ZFR: variants seen among roughly 807,000 people sequenced by gnomAD.
ZFR encodes zinc finger RNA binding protein, also known as zinc finger RNA-binding protein.
In ZFR, 19 loss-of-function variants were observed where a neutral mutation model predicts 130.7. The observed-to-expected ratio is 0.15, with a 90% CI of 0.10 to 0.21. The LOEUF (loss-of-function observed/expected upper bound fraction) is 0.21, where lower values mean the gene tolerates loss of function less well. Among genes scored for constraint, ZFR ranks in the 10% least tolerant of loss-of-function variants. The pLI, the probability that ZFR is intolerant of heterozygous loss-of-function variation, is 1.00. For missense variants in ZFR, 872 were observed against 1,321.5 expected, an observed-to-expected ratio of 0.66 and a Z score of 5.27; for synonymous variants, 466 against 456.9, an observed-to-expected ratio of 1.02 and a Z score of -0.25.
At chr5:32,421,892 G>A (rs1344671061) in intron 2 of ZFR, among the ~76,000 whole-genome samples, 1 of 151,878 alleles carries the variant, frequency 6.6e-6, no homozygotes, top group African/African-American at 2.4e-5. Context: ...ACATTTTCTA[G>A]GAACAACTCC....
intron 11 of ZFR, among the ~76,000 whole-genome samples, chr5:32,392,063 G>A (rs1753193366): frequency 6.6e-6 from 1 of 152,072 alleles, no homozygotes; most frequent in Non-Finnish European, 1.5e-5. Context: ...AACCAACTAG[G>A]GACTGATAGA....
rs199717129 is a variant in ZFR at position 32,359,598 on chromosome 5, C to CA, written c.3046-3660dup. Among the ~76,000 whole-genome samples the CA allele has an allele frequency of 7.9e-3, 1,207 of 152,084 alleles. 16 individuals carry two copies. Among genetic ancestry groups the CA allele is most frequent in the African/African-American group, 0.027 (1,140 of 41,516 alleles). ...GCCAAAAGATTCCTTCCTTAGAACA[C>CA]AAAAAAATGTGCATCAGTATAGAAA... On this transcript the variant is annotated intron_variant, in intron 19 of 19. Coordinates refer to ENST00000265069, the MANE Select transcript of ZFR (RefSeq NM_016107.5).
At chr5:32,374,550 A>C (rs977648031) in intron 17 of ZFR, among the ~76,000 whole-genome samples, 2 of 152,044 alleles carry the variant, frequency 1.3e-5, no homozygotes, top group African/African-American at 4.8e-5. Flanking sequence ...ATTTGAAGCT[A>C]TACAATGCCT....
intron 2 of ZFR, among the ~76,000 whole-genome samples, chr5:32,431,181 T>C (rs1181407950): frequency 6.6e-6 from 1 of 152,208 alleles, no homozygotes; most frequent in East Asian, 1.9e-4. Flanking sequence ...TGAATGAATG[T>C]TGAGCAAAAA....
intron 7 of ZFR, 120 bp from the exon 8 acceptor site, chr5:32,403,517 T>C (rs1561895754): frequency 8.0e-7 from 1 of 1,244,054 alleles, no homozygotes; most frequent in South Asian, 1.5e-5. Flanking sequence ...TTTTCTGCTA[T>C]ATGTTTTTGT....
Position 32,364,007 on chromosome 5 carries a change from A to T in ZFR, c.2986T>A (p.Phe996Ile). ...TCAGTCATTGTTGCCAAGGTATCAA[A>T]GGGATCCTTTTCACAAGGATCCAGA... ...GLLDPCEKDP[F>I]DTLATMTDQQ... The change falls in exon 19 of 20, where the codon TTT (phenylalanine) becomes ATT (isoleucine). Residue 996 changes from phenylalanine to isoleucine, a missense_variant. By Grantham distance (21) the Phe-to-Ile change is conservative. Around this residue, in one of 7 missense-constraint regions of ZFR, gnomAD observed 158 missense variants for 264.0 expected, o/e 0.60. Coordinates refer to ENST00000265069, the MANE Select transcript of ZFR (RefSeq NM_016107.5). 6.2e-7 allele frequency: 1 copy of T among 1,614,150 alleles called. No individual in the cohort carries two copies. Among genetic ancestry groups the T allele is most frequent in the Non-Finnish European group, 8.5e-7 (1 of 1,180,002 alleles).
intron 8 of ZFR, among the ~76,000 whole-genome samples, chr5:32,402,615 A>AG (rs900221031): frequency 6.0e-5 from 9 of 149,318 alleles, no homozygotes; most frequent in African/African-American, 2.2e-4. Flanking sequence ...AAAAAAAAGA[A>AG]AAAAAAAAAA....
At chr5:32,418,030 C>G (rs112251123) in intron 3 of ZFR, among the ~76,000 whole-genome samples, 2 of 152,126 alleles carry the variant, frequency 1.3e-5, no homozygotes, top group African/African-American at 4.8e-5. Context: ...GGAGGCCAAG[C>G]CGGGCGGATC....
intron 15 of ZFR, among the ~76,000 whole-genome samples, chr5:32,381,651 T>G (rs1014510790): frequency 6.6e-6 from 1 of 152,180 alleles, no homozygotes; most frequent in African/African-American, 2.4e-5. Flanking sequence ...CTTGTTCTTA[T>G]TTTGAGTAGA....
chr5:32,412,764 T>C (rs150008467), intron 5 of ZFR, among the ~76,000 whole-genome samples: 2 of 152,322 alleles, frequency 1.3e-5, no homozygotes, highest in East Asian at 3.9e-4. Context: ...GCTGAGCCAT[T>C]TGAAAATAGC....
Position 32,387,601 on chromosome 5 carries a change from G to A in ZFR, c.2447C>T (p.Pro816Leu). Reference protein sequence around the residue: ...VNLVLLCSEKPSKTLLSRIAE... With the variant: ...VNLVLLCSEKLSKTLLSRIAE... ...AATACGGCTTAATAATGTCTTTGAA[G>A]GTTTCTCTGAGCACAGCAAAACAAG... The change falls in exon 14 of 20, where the codon CCT becomes CTT. Residue 816 changes from proline to leucine, a missense_variant. Coordinates refer to ENST00000265069, the MANE Select transcript of ZFR (RefSeq NM_016107.5). The A allele has an allele frequency of 1.9e-6, 3 of 1,613,508 alleles. No individual in the cohort carries two copies. The highest frequency in any genetic ancestry group is 2.5e-6 in the Non-Finnish European group (3 of 1,179,640).
At chr5:32,440,362 A>G (rs1453013704) in intron 2 of ZFR, among the ~76,000 whole-genome samples, 1 of 152,200 alleles carries the variant, frequency 6.6e-6, no homozygotes, top group Non-Finnish European at 1.5e-5. Context: ...AAAATGCAAA[A>G]CAAGGTTGGG....
Position 32,385,667 on chromosome 5 carries a change from T to C in ZFR, c.2500-18A>G. 1 of 1,610,308 alleles carries C rather than the reference T, an allele frequency of 6.2e-7. No individual in the cohort carries two copies. On this transcript the variant is annotated intron_variant, in intron 14 of 19. Transcript: ENST00000265069. Reference sequence around the variant, plus strand: ...CTTATAACCTGTGTAATGAAGATGATAAGAAACAAATTGGATCTGTTGTAT... The same window carrying C: ...CTTATAACCTGTGTAATGAAGATGACAAGAAACAAATTGGATCTGTTGTAT...
intron 17 of ZFR, chr5:32,364,756 CAAAA>C (rs11411492): frequency 6.6e-6 from 1 of 151,338 alleles, no homozygotes. Flanking sequence ...AACAAAAAAA[CAAAA>C]AAAACAAAAC....
chr5:32,442,346 AATT>A (rs1177860743), intron 2 of ZFR, among the ~76,000 whole-genome samples: 2 of 152,224 alleles, frequency 1.3e-5, no homozygotes, highest in African/African-American at 2.4e-5. Flanking sequence ...TCTCCTTGAA[AATT>A]ATTAGCCCTA....
intron 19 of ZFR, among the ~76,000 whole-genome samples, chr5:32,356,859 T>C (rs1319653247): frequency 6.6e-6 from 1 of 152,216 alleles, no homozygotes; most frequent in African/African-American, 2.4e-5. Context: ...TACTAACAAA[T>C]GAAGCTCCCC....
intron 5 of ZFR, among the ~76,000 whole-genome samples, chr5:32,412,988 G>A (rs1188198344): frequency 2.0e-5 from 3 of 152,046 alleles, no homozygotes; most frequent in African/African-American, 4.8e-5. Context: ...TTAGGAGTTC[G>A]AGACCAGCCT....
At chr5:32,433,001 G>C (rs1026297792) in intron 2 of ZFR, among the ~76,000 whole-genome samples, 1 of 151,968 alleles carries the variant, frequency 6.6e-6, no homozygotes, top group African/African-American at 2.4e-5. Context: ...CAAAGTGCAG[G>C]GATTATAGAC....
chr5:32,397,531 A>G (rs1433703575), intron 9 of ZFR, among the ~76,000 whole-genome samples, 193 bp from the exon 10 acceptor site: 2 of 151,642 alleles, frequency 1.3e-5, no homozygotes, highest in Non-Finnish European at 2.9e-5. Flanking sequence ...TCAGCTCACT[A>G]CAACCTCAGC....
Sources: gnomAD v4.1 joint callset for allele counts (sites outside exome capture counted in the v4.1 genomes callset) on GRCh38, gnomAD v4.1.1 for gene constraint, gnomAD v4.1.1 regional missense constraint, MANE v1.5 for transcripts, NCBI Gene and HGNC (gene_info 2026-07-23, HGNC 2026-07-21) for gene names.